The following MED12L variants were observed in gnomAD, a reference collection of about 807,000 sequenced individuals.
MED12L encodes the protein mediator of RNA polymerase II transcription subunit 12-like protein.
A neutral mutation model predicts 281.3 loss-of-function variants in MED12L; 60 were observed. The observed-to-expected ratio is 0.21, with a 90% CI of 0.17 to 0.26. The LOEUF (loss-of-function observed/expected upper bound fraction) is 0.26. Ranked by LOEUF, MED12L falls within the 10% of genes least tolerant of loss-of-function variation. The pLI is 1.00. For synonymous variants in MED12L, 974 were observed against 987.2 expected, an observed-to-expected ratio of 0.99 and a Z score of 0.25; for missense variants, 2,146 against 2,680.9, an observed-to-expected ratio of 0.80 and a Z score of 4.41.
At chr3:151,221,406 T>C (rs1729324353) in intron 16 of MED12L, among the ~76,000 whole-genome samples, 1 of 152,132 alleles carries the variant, frequency 6.6e-6, no homozygotes, top group Non-Finnish European at 1.5e-5. Flanking sequence ...GGAAAATGTA[T>C]CCAGGGCATG....
At chr3:151,159,601 G>T (rs1198363423) in intron 7 of MED12L, among the ~76,000 whole-genome samples, 1 of 152,002 alleles carries the variant, frequency 6.6e-6, no homozygotes, top group Non-Finnish European at 1.5e-5. Flanking sequence ...AATATATTGG[G>T]CTAAATAAAA....
chr3:151,218,127 T>G (rs1234494069), intron 16 of MED12L, among the ~76,000 whole-genome samples: 4 of 152,122 alleles, frequency 2.6e-5, no homozygotes, highest in African/African-American at 4.8e-5. Flanking sequence ...CTTTCACAAA[T>G]GAAGGAAATC....
At chr3:151,304,812 G>A (rs1746426291) in intron 16 of MED12L, among the ~76,000 whole-genome samples, 1 of 152,154 alleles carries the variant, frequency 6.6e-6, no homozygotes, top group Non-Finnish European at 1.5e-5. Flanking sequence ...CGTTTACAAA[G>A]CAGCCTGTGT....
At chr3:151,304,613 C>A (rs894276464) in intron 16 of MED12L, among the ~76,000 whole-genome samples, 3 of 150,718 alleles carry the variant, frequency 2.0e-5, no homozygotes, top group Admixed American at 6.6e-5. Context: ...AAAAAAAATC[C>A]TGCCTTGACC....
chr3:151,420,810 C>T (rs1419400992), intron 43 of MED12L, among the ~76,000 whole-genome samples: 8 of 152,154 alleles, frequency 5.3e-5, no homozygotes, highest in Non-Finnish European at 1.0e-4. Flanking sequence ...GTGTGGGATA[C>T]CATGATGGTG....
At chr3:151,335,981 C>T (rs570405251) in intron 16 of MED12L, among the ~76,000 whole-genome samples, 1 of 152,164 alleles carries the variant, frequency 6.6e-6, no homozygotes, top group East Asian at 1.9e-4. Flanking sequence ...AGTTTGTGTC[C>T]CCTCTGTAGT....
intron 11 of MED12L, among the ~76,000 whole-genome samples, chr3:151,172,679 G>A (rs954066939): frequency 6.6e-6 from 1 of 152,144 alleles, no homozygotes; most frequent in African/African-American, 2.4e-5. Context: ...GTTGTTTAAG[G>A]AAAAAAGTCA....
At chr3:151,115,417 C>T (rs572983001) in intron 2 of MED12L, among the ~76,000 whole-genome samples, 1 of 130,816 alleles carries the variant, frequency 7.6e-6, no homozygotes, top group East Asian at 2.3e-4. Context: ...GGTGTGATCT[C>T]GGCTCACTTC....
At chr3:151,415,993 A>G (rs1717493487) in intron 42 of MED12L, among the ~76,000 whole-genome samples, 1 of 152,232 alleles carries the variant, frequency 6.6e-6, no homozygotes, top group African/African-American at 2.4e-5. Context: ...GCGGAAGGAC[A>G]AAGGACATGA....
At chr3:151,199,398 G>A in intron 16 of MED12L, 10 of 1,588,336 alleles carry the variant, frequency 6.3e-6, no homozygotes, top group Non-Finnish European at 8.5e-6. Context: ...TTGAGGGAAA[G>A]TAAGGATGAC....
chr3:151,345,370 C>T (rs1007153477), intron 16 of MED12L, among the ~76,000 whole-genome samples: 1 of 152,098 alleles, frequency 6.6e-6, no homozygotes, highest in African/African-American at 2.4e-5. Flanking sequence ...AACTGTGCAA[C>T]TTGAGGGCGT....
At chr3:151,137,160 CAAAAAAAAAAAGAAA>C (rs1427986803) in intron 5 of MED12L, among the ~76,000 whole-genome samples, 9 of 57,040 alleles carry the variant, frequency 1.6e-4, no homozygotes, top group Admixed American at 9.2e-4. Context: ...GACTCCGTCT[CAAAAAAAAAAAGAAA>C]AAAAAAAAAA....
intron 16 of MED12L, chr3:151,337,907 C>T: frequency 6.2e-7 from 1 of 1,614,116 alleles, no homozygotes; most frequent in South Asian, 1.1e-5. Context: ...TGGGGCACTT[C>T]AGCATACTTA....
intron 3 of MED12L, among the ~76,000 whole-genome samples, chr3:151,118,950 G>A (rs1031813814): frequency 3.9e-5 from 6 of 152,194 alleles, no homozygotes; most frequent in African/African-American, 1.4e-4. Context: ...GCCTCCCAAA[G>A]TGCTGGGATT....
chr3:151,098,949 A>G (rs1324472648), intron 2 of MED12L, among the ~76,000 whole-genome samples: 2 of 152,200 alleles, frequency 1.3e-5, no homozygotes, highest in Non-Finnish European at 2.9e-5. Context: ...GGTGAAAGCC[A>G]TGTCTTACAT....
chr3:151,339,796 CT>C (rs5853517), intron 16 of MED12L, among the ~76,000 whole-genome samples: 128,991 of 152,012 alleles, frequency 0.85, 54,763 homozygotes, highest in Middle Eastern at 0.95. Flanking sequence ...ATAATGAAAA[CT>C]TAACAAGTGA....
intron 16 of MED12L, among the ~76,000 whole-genome samples, chr3:151,288,064 T>C (rs1743771618): frequency 6.6e-6 from 1 of 152,250 alleles, no homozygotes; most frequent in Admixed American, 6.5e-5. Context: ...CTTGGTCATA[T>C]TCTTCTATCT....
Position 151,160,025 on chromosome 3 carries a change from T to C in MED12L, c.1031T>C (p.Val344Ala). The C allele has an allele frequency of 6.2e-7, 1 of 1,614,144 alleles. No homozygotes were observed. Among genetic ancestry groups the C allele is most frequent in the Admixed American group, 1.7e-5 (1 of 60,030 alleles). ...CCCCCCGGCCCTGGCATGAGCCCCG[T>C]GCAGCTGGCCTTCTCAGATTTTCTT... is the stretch of plus-strand genomic sequence containing the variant. ...PGPPGPGMSP[V>A]QLAFSDFLSC... is the part of the protein sequence containing the mutation. The change falls in exon 8 of 45, where the codon GTG becomes GCG. Residue 344 changes from valine to alanine, a missense_variant. Physicochemically the swap from Val to Ala is moderately conservative, Grantham distance 64 (BLOSUM62 0). Coordinates refer to ENST00000687756, the MANE Select transcript of MED12L (RefSeq NM_001393769.1).
intron 16 of MED12L, chr3:151,212,475 G>T (rs564543786): frequency 3.7e-4 from 56 of 152,032 alleles, no homozygotes; most frequent in African/African-American, 1.3e-3. Context: ...CTACGGTGTG[G>T]GTGTGTCTTT....
Sources: allele counts gnomAD v4.1 joint callset (sites outside exome capture counted in the v4.1 genomes callset), GRCh38; gene constraint gnomAD v4.1.1; transcripts MANE v1.5; gene names NCBI Gene and HGNC (gene_info 2026-07-23, HGNC 2026-07-21).